Variants in RAB3GAP1 observed in about 807,000 individuals in gnomAD.
RAB3GAP1 encodes the protein rab3 GTPase-activating protein catalytic subunit.
In RAB3GAP1, 86 loss-of-function variants were observed where a neutral mutation model predicts 130.7. The observed-to-expected ratio is 0.66, with a 90% CI of 0.55 to 0.79. The LOEUF (loss-of-function observed/expected upper bound fraction) is 0.79. RAB3GAP1 is among the 30% of genes least tolerant of loss of function. The pLI, the probability that RAB3GAP1 is intolerant of heterozygous loss-of-function variation, is 0.00. For synonymous variants in RAB3GAP1, 367 were observed against 401.7 expected, an observed-to-expected ratio of 0.91 and a Z score of 1.03; for missense variants, 1,029 against 1,169.4, an observed-to-expected ratio of 0.88 and a Z score of 1.75.
chr2:135,156,408 T>C (rs942133968), intron 19 of RAB3GAP1, among the ~76,000 whole-genome samples: 4 of 152,152 alleles, frequency 2.6e-5, no homozygotes, highest in African/African-American at 9.7e-5. Context: ...AGACCAGTAA[T>C]ACTTAAGAAA....
intron 17 of RAB3GAP1, among the ~76,000 whole-genome samples, chr2:135,140,421 A>T (rs1691804868): frequency 6.6e-6 from 1 of 152,076 alleles, no homozygotes; most frequent in Non-Finnish European, 1.5e-5. Flanking sequence ...TCTCAAGACC[A>T]CTCCCAGGTT....
rs1444040486 is a variant in RAB3GAP1, at chr2:135,058,085, A to G, written c.149A>G (p.Lys50Arg). ...IGNSLGKPLE[K>R]GIFTSGTWEE... ...AACTCTTTGGGAAAGCCACTCGAAA[A>G]GGTCAGATCTATTTGCTGGTGTCTC... Residue 50 changes from lysine (K) to arginine (R), a missense_variant and splice_region_variant, in exon 3 of 24, where the codon AAG becomes AGG. Physicochemically the swap from Lys to Arg is conservative, Grantham distance 26 (BLOSUM62 2). Around this residue, in one of 3 missense-constraint regions of RAB3GAP1, gnomAD observed 510 missense variants for 532.1 expected, o/e 0.96. Transcript: ENST00000264158. The G allele has an allele frequency of 4.4e-6, 7 of 1,606,268 alleles. No individual in the cohort carries two copies. The highest frequency in any genetic ancestry group is 6.0e-6 in the Non-Finnish European group (7 of 1,172,996).
intron 3 of RAB3GAP1, among the ~76,000 whole-genome samples, chr2:135,084,127 C>T (rs1021251182): frequency 1.1e-4 from 17 of 152,054 alleles, no homozygotes; most frequent in African/African-American, 3.4e-4. Flanking sequence ...TGCCTGTAAT[C>T]CCAGCTACTT....
At chr2:135,075,141 T>C (rs984695897) in intron 3 of RAB3GAP1, among the ~76,000 whole-genome samples, 3 of 152,220 alleles carry the variant, frequency 2.0e-5, no homozygotes, top group Non-Finnish European at 4.4e-5. Context: ...GGGAAATATT[T>C]TGGGGCAAGG....
At chr2:135,165,227 T>G in intron 23 of RAB3GAP1, 12 of 438,866 alleles carry the variant, frequency 2.7e-5, no homozygotes, top group South Asian at 1.8e-4. Context: ...GAAAGCCCAG[T>G]TTGAAAAATT....
chr2:135,094,099 C>T (rs558488024), intron 5 of RAB3GAP1, among the ~76,000 whole-genome samples: 14 of 152,214 alleles, frequency 9.2e-5, no homozygotes, highest in Admixed American at 3.9e-4. Context: ...AGCAGGTGTT[C>T]GGCATAAATT....
intron 5 of RAB3GAP1, among the ~76,000 whole-genome samples, chr2:135,103,726 G>A (rs573759656): frequency 2.0e-5 from 3 of 152,060 alleles, no homozygotes; most frequent in African/African-American, 7.2e-5. Context: ...TTCTTTGTTG[G>A]CGGGGGAGGG....
chr2:135,060,377 A>G (rs74902153), intron 3 of RAB3GAP1, among the ~76,000 whole-genome samples: 2,437 of 149,434 alleles, frequency 0.016, 74 homozygotes, highest in African/African-American at 0.057. Flanking sequence ...CTCCTGCCTC[A>G]GCCTCCCAAG....
chr2:135,118,992 C>T (rs1300550340), intron 7 of RAB3GAP1, among the ~76,000 whole-genome samples: 1 of 152,182 alleles, frequency 6.6e-6, no homozygotes, highest in Non-Finnish European at 1.5e-5. Context: ...CACCTCAAGG[C>T]ATGTGCCTTG....
intron 5 of RAB3GAP1, among the ~76,000 whole-genome samples, chr2:135,097,905 G>C (rs1309107425): frequency 6.6e-6 from 1 of 152,184 alleles, no homozygotes; most frequent in African/African-American, 2.4e-5. Context: ...TAGATACCTA[G>C]AGTAGTATTG....
At chr2:135,103,621 C>T (rs558157021) in intron 5 of RAB3GAP1, among the ~76,000 whole-genome samples, 1 of 152,294 alleles carries the variant, frequency 6.6e-6, no homozygotes, top group South Asian at 2.1e-4. Flanking sequence ...CTGTCACCTC[C>T]CCTCTTCTCT....
At chr2:135,103,035 A>ATTTTTTTTGTTTTTTTTTTTTTTTTTT (rs1690494919) in intron 5 of RAB3GAP1, among the ~76,000 whole-genome samples, 1 of 90,912 alleles carries the variant, frequency 1.1e-5, no homozygotes, top group African/African-American at 5.5e-5. Context: ...CATTTTTGTG[A>ATTTTTTTTGTTTTTTTTTTTTTTTTTT]TTTTTTTTTT....
At chr2:135,150,862 A>T (rs1030309741) in intron 18 of RAB3GAP1, among the ~76,000 whole-genome samples, 1 of 152,140 alleles carries the variant, frequency 6.6e-6, no homozygotes, top group Admixed American at 6.5e-5. Flanking sequence ...TTGAGTGCCT[A>T]TTGTGTACCT....
downstream of RAB3GAP1, among the ~76,000 whole-genome samples, chr2:135,174,579 C>T (rs909350724): frequency 2.6e-5 from 4 of 152,210 alleles, no homozygotes; most frequent in African/African-American, 4.8e-5. Flanking sequence ...CAAAGCCCCC[C>T]CAGCCACAGG....
At chr2:135,095,806 A>G (rs1690277285) in intron 5 of RAB3GAP1, among the ~76,000 whole-genome samples, 1 of 152,228 alleles carries the variant, frequency 6.6e-6, no homozygotes, top group South Asian at 2.1e-4. Flanking sequence ...TACAATGTAT[A>G]CACTACCTGC....
At chr2:135,060,290 C>T (rs1420317818) in intron 3 of RAB3GAP1, among the ~76,000 whole-genome samples, 2 of 135,260 alleles carry the variant, frequency 1.5e-5, no homozygotes, top group African/African-American at 2.9e-5. Flanking sequence ...GACCGAGTCT[C>T]GCTCTGTTGC....
intron 3 of RAB3GAP1, among the ~76,000 whole-genome samples, chr2:135,080,006 A>T (rs1030070744): frequency 1.3e-5 from 2 of 151,318 alleles, no homozygotes; most frequent in East Asian, 3.9e-4. Context: ...AGTCCCAGCT[A>T]CTCGGGAGGC....
intron 2 of RAB3GAP1, among the ~76,000 whole-genome samples, chr2:135,053,223 C>T (rs79585447): frequency 0.045 from 6,912 of 152,290 alleles, 536 homozygotes; most frequent in African/African-American, 0.16. Flanking sequence ...GCCTGGGCCG[C>T]CCAAAGTGCT....
At chr2:135,126,021 G>A (rs562816866) in intron 9 of RAB3GAP1, among the ~76,000 whole-genome samples, 160 bp from the exon 10 acceptor site, 5 of 152,234 alleles carry the variant, frequency 3.3e-5, no homozygotes, top group Admixed American at 2.0e-4. Context: ...AACTTCATAA[G>A]GATGTGCTAC....
Sources: gnomAD v4.1 joint callset for allele counts (sites outside exome capture counted in the v4.1 genomes callset) on GRCh38, gnomAD v4.1.1 for gene constraint, gnomAD v4.1.1 regional missense constraint, MANE v1.5 for transcripts, NCBI Gene and HGNC (gene_info 2026-07-23, HGNC 2026-07-21) for gene names.